CAMTA1: variants seen among roughly 807,000 people sequenced by gnomAD.
CAMTA1 encodes calmodulin-binding transcription activator 1.
CAMTA1 carries 27 observed loss-of-function variants against 170.9 expected under a neutral mutation model. The ratio of observed to expected loss-of-function variants is 0.16; its 90% CI spans 0.12 to 0.22. The LOEUF (loss-of-function observed/expected upper bound fraction) is 0.22. Ranked by LOEUF, CAMTA1 falls within the 10% of genes least tolerant of loss-of-function variation. The pLI, the probability that CAMTA1 is intolerant of heterozygous loss-of-function variation, is 1.00. For missense variants in CAMTA1, 1,619 were observed against 2,217.2 expected (o/e 0.73, Z 5.42); for synonymous variants, 833 against 891.5 (o/e 0.93, Z 1.17).
chr1:6,810,009 G>C (rs1455085962), intron 1 of CAMTA1, among the ~76,000 whole-genome samples: 1 of 152,186 alleles, frequency 6.6e-6, no homozygotes, highest in Non-Finnish European at 1.5e-5. Context: ...TCCAAGATGA[G>C]AAAAGAAACC....
chr1:7,394,811 T>TTG (rs61154098), intron 5 of CAMTA1, among the ~76,000 whole-genome samples: 24,425 of 147,260 alleles, frequency 0.17, 2,562 homozygotes, highest in East Asian at 0.48. Context: ...TTTCTTGTAG[T>TTG]TGTGTGTGTG....
intron 5 of CAMTA1, among the ~76,000 whole-genome samples, chr1:7,275,406 A>G (rs1670445160): frequency 6.6e-6 from 1 of 152,018 alleles, no homozygotes. Flanking sequence ...AAAAGGTAAT[A>G]TTAAAATAAG....
intron 5 of CAMTA1, among the ~76,000 whole-genome samples, chr1:7,411,436 G>C (rs2149261169): frequency 6.6e-6 from 1 of 150,816 alleles, no homozygotes; most frequent in South Asian, 2.1e-4. Flanking sequence ...CTACTCAGGA[G>C]GCTGAGGCAG....
In CAMTA1 at chr1:7,248,236, A is replaced by G. The variant is rs1462486904; in HGVS notation, c.303-1255A>G. Among the ~76,000 whole-genome samples, 1 of 152,170 alleles carries G rather than the reference A, an allele frequency of 6.6e-6. No homozygotes were observed. Among genetic ancestry groups the G allele is most frequent in the African/African-American group, 2.4e-5 (1 of 41,436 alleles). Reference sequence around the variant, plus strand: ...GAAATGGCCCATTGTTCGTAGCAAGAAGAAAAGAAAGGCGCTGGAGGGTCT... The same window carrying G: ...GAAATGGCCCATTGTTCGTAGCAAGGAGAAAAGAAAGGCGCTGGAGGGTCT... On this transcript the variant is annotated intron_variant, in intron 4 of 22. Coordinates refer to ENST00000303635, the MANE Select transcript of CAMTA1 (RefSeq NM_015215.4). The surrounding 1 kb of genome is among the most constrained non-coding windows in gnomAD (Gnocchi z 4.0).
intron 3 of CAMTA1, among the ~76,000 whole-genome samples, chr1:7,048,607 C>T (rs1026368420): frequency 2.0e-5 from 3 of 152,214 alleles, no homozygotes; most frequent in Non-Finnish European, 2.9e-5. Context: ...AGAGATCCAG[C>T]GTTCCTCTGG....
At chr1:6,861,964 CTTTT>C (rs1328461176) in intron 3 of CAMTA1, among the ~76,000 whole-genome samples, 2 of 140,152 alleles carry the variant, frequency 1.4e-5, no homozygotes, top group Non-Finnish European at 1.6e-5. Flanking sequence ...TAGTATTTGT[CTTTT>C]TTTTTTTTTT....
At chr1:7,730,786 C>G (rs992616401) in intron 11 of CAMTA1, among the ~76,000 whole-genome samples, 7 of 152,084 alleles carry the variant, frequency 4.6e-5, no homozygotes, top group Non-Finnish European at 1.0e-4. Context: ...GTAGTCCCAG[C>G]TACTTGGGTG....
chr1:7,244,326 G>A lies in CAMTA1; in HGVS notation c.303-5165G>A, dbSNP rs189962392. ...AACTAGTTCAACCATTGCGGAAGTCGGTGTGGCGATTCCTCAGGGATCTAG... is the reference window on the plus strand; with the variant it reads ...AACTAGTTCAACCATTGCGGAAGTCAGTGTGGCGATTCCTCAGGGATCTAG... On this transcript the variant is annotated intron_variant, in intron 4 of 22. Transcript: ENST00000303635. 1.6e-3 allele frequency among the ~76,000 whole-genome samples: 244 copies of A among 152,290 alleles called. 1 individual carries two copies. Among genetic ancestry groups the A allele is most frequent in the African/African-American group, 5.4e-3 (225 of 41,566 alleles).
intron 6 of CAMTA1, among the ~76,000 whole-genome samples, chr1:7,498,557 CTGTATATGCA>C (rs781551899): frequency 6.6e-5 from 10 of 151,184 alleles, no homozygotes; most frequent in East Asian, 2.0e-4. Flanking sequence ...GTTAATCTAC[CTGTATATGCA>C]TGTATATGCA....
chr1:7,663,296 G>A, intron 8 of CAMTA1, 57 bp from the exon 9 acceptor site: 1 of 1,508,612 alleles, frequency 6.6e-7, no homozygotes, highest in Non-Finnish European at 8.9e-7. Context: ...GTGTGCATGT[G>A]TGTGTGCACA....
intron 5 of CAMTA1, among the ~76,000 whole-genome samples, chr1:7,385,455 C>T (rs1051712599): frequency 1.3e-5 from 2 of 152,212 alleles, no homozygotes; most frequent in African/African-American, 4.8e-5. Context: ...TGAATAGCGT[C>T]TCTGCAGGTT....
intron 1 of CAMTA1, among the ~76,000 whole-genome samples, chr1:6,808,466 TG>T (rs1479449025): frequency 6.6e-6 from 1 of 152,222 alleles, no homozygotes; most frequent in Non-Finnish European, 1.5e-5. Flanking sequence ...CGCTCACCCA[TG>T]CTCTTGCTGA....
chr1:7,647,208 G>A (rs2095813357), intron 7 of CAMTA1, among the ~76,000 whole-genome samples: 1 of 147,962 alleles, frequency 6.8e-6, no homozygotes, highest in Admixed American at 6.7e-5. Flanking sequence ...CAGTACCCAA[G>A]CCTGGGGTTG....
chr1:7,319,824 C>T (rs1260405351), intron 5 of CAMTA1, among the ~76,000 whole-genome samples: 2 of 152,050 alleles, frequency 1.3e-5, no homozygotes, highest in Non-Finnish European at 2.9e-5. Context: ...TAGATTTATT[C>T]CCAAAGAGTG....
intron 5 of CAMTA1, among the ~76,000 whole-genome samples, chr1:7,323,429 C>G (rs1280641495): frequency 6.6e-6 from 1 of 151,916 alleles, no homozygotes; most frequent in African/African-American, 2.4e-5. Context: ...TCCAAACCAC[C>G]CAATTTAAAA....
chr1:7,701,562 C>G (rs1388173895), intron 11 of CAMTA1, among the ~76,000 whole-genome samples: 2 of 151,924 alleles, frequency 1.3e-5, no homozygotes, highest in Non-Finnish European at 2.9e-5. Flanking sequence ...ACTACAGACA[C>G]ACACCACCAC....
chr1:7,175,743 T>C (rs1251251808), intron 4 of CAMTA1, among the ~76,000 whole-genome samples: 1 of 152,230 alleles, frequency 6.6e-6, no homozygotes, highest in Non-Finnish European at 1.5e-5. Context: ...GGCCGAGGCT[T>C]CTCCCCTCCC....
At chr1:7,687,526 G>T (rs2096269288) in intron 11 of CAMTA1, among the ~76,000 whole-genome samples, 1 of 152,174 alleles carries the variant, frequency 6.6e-6, no homozygotes, top group Non-Finnish European at 1.5e-5. Context: ...TGTGGGGTCA[G>T]ATGAGAAAGG....
In CAMTA1 at chr1:7,461,923, A is replaced by G. The variant is rs187259078; in HGVS notation, c.439-5907A>G. Among the ~76,000 whole-genome samples, 1,131 of 152,380 alleles carry G rather than the reference A, an allele frequency of 7.4e-3. 5 individuals are homozygous for G. The highest frequency in any genetic ancestry group is 0.013 in the Non-Finnish European group (857 of 68,036). The stretch of plus-strand genomic sequence containing the variant: ...TATCATATGCAGTCCATGATCTCCC[A>G]TACGCCTGGGCCATGCTCCCCTTCC... On this transcript the variant is annotated intron_variant, in intron 5 of 22. Coordinates refer to ENST00000303635, the MANE Select transcript of CAMTA1 (RefSeq NM_015215.4).
Sources: allele counts gnomAD v4.1 joint callset (sites outside exome capture counted in the v4.1 genomes callset), GRCh38; gene constraint gnomAD v4.1.1; non-coding constraint Gnocchi (gnomAD v3.1); transcripts MANE v1.5; gene names NCBI Gene and HGNC (gene_info 2026-07-23, HGNC 2026-07-21).